The following CNTN5 variants were observed in gnomAD, a reference collection of about 807,000 sequenced individuals.
CNTN5 encodes the protein contactin-5.
In CNTN5, 77 loss-of-function variants were observed where a neutral mutation model predicts 129.1. The ratio of observed to expected loss-of-function variants is 0.60; its 90% confidence interval spans 0.50 to 0.72. CNTN5 has a LOEUF of 0.72. Among genes scored for constraint, CNTN5 ranks in the 30% least tolerant of loss-of-function variants. CNTN5 has a pLI of 0.00. For missense variants in CNTN5, 1,478 were observed against 1,328.8 expected, an observed-to-expected ratio of 1.11 and a Z score of -1.75; for synonymous variants, 509 against 465.6, an observed-to-expected ratio of 1.09 and a Z score of -1.20.
chr11:99,663,599 G>A (rs1952676517), intron 3 of CNTN5, among the ~76,000 whole-genome samples: 1 of 152,180 alleles, frequency 6.6e-6, no homozygotes, highest in African/African-American at 2.4e-5. Flanking sequence ...CACATGCCAA[G>A]GGAGAGAGGG....
At chr11:99,939,652 G>C (rs11221975) in intron 7 of CNTN5, among the ~76,000 whole-genome samples, 1 of 151,748 alleles carries the variant, frequency 6.6e-6, no homozygotes, top group Non-Finnish European at 1.5e-5. Context: ...ATATTTAATA[G>C]AAAAAAATAG....
intron 18 of CNTN5, among the ~76,000 whole-genome samples, chr11:100,283,770 ACAT>A (rs1045783039): frequency 2.0e-5 from 3 of 152,014 alleles, no homozygotes; most frequent in Non-Finnish European, 4.4e-5. Flanking sequence ...ACATGGTGAA[ACAT>A]CGTCTCTACT....
At chr11:99,389,427 G>C (rs1941118814) in intron 2 of CNTN5, among the ~76,000 whole-genome samples, 1 of 152,166 alleles carries the variant, frequency 6.6e-6, no homozygotes, top group South Asian at 2.1e-4. Context: ...TACCTGTATT[G>C]TGTATAATCA....
intron 4 of CNTN5, among the ~76,000 whole-genome samples, chr11:99,840,780 A>C (rs1332749829): frequency 6.6e-6 from 1 of 152,200 alleles, no homozygotes; most frequent in African/African-American, 2.4e-5. Context: ...ATAATTTGCT[A>C]TTATACAGCA....
At chr11:99,332,861 G>A (rs1474593329) in intron 2 of CNTN5, among the ~76,000 whole-genome samples, 2 of 151,974 alleles carry the variant, frequency 1.3e-5, no homozygotes, top group African/African-American at 4.8e-5. Context: ...TTTAAGAGGC[G>A]ATAGCCAGAG....
chr11:100,326,021 T>C (rs1249447312), intron 21 of CNTN5, among the ~76,000 whole-genome samples: 2 of 152,284 alleles, frequency 1.3e-5, no homozygotes, highest in South Asian at 4.1e-4. Context: ...ATAGTTCTTT[T>C]ATATTTAAAG....
At chr11:100,089,143 G>A (rs903326366) in intron 13 of CNTN5, among the ~76,000 whole-genome samples, 5 of 152,030 alleles carry the variant, frequency 3.3e-5, no homozygotes, top group African/African-American at 4.8e-5. Flanking sequence ...TTTGAGAAGT[G>A]TCTGTTCATG....
At chr11:99,045,631 T>G (rs1864174915) in intron 1 of CNTN5, among the ~76,000 whole-genome samples, 1 of 152,244 alleles carries the variant, frequency 6.6e-6, no homozygotes, top group Non-Finnish European at 1.5e-5. Context: ...CTATGCATTT[T>G]CATCATATAT....
At position 99,897,925 on chromosome 11, in the gene CNTN5, G is replaced by T. The variant is rs370010821; in HGVS notation, c.578-18129G>T. ...ATCTCACATGTAATGACATCCATAGGCTCAAAGTAAATGGTTGGAGAAATA... is the reference window on the plus strand; with the variant it reads ...ATCTCACATGTAATGACATCCATAGTCTCAAAGTAAATGGTTGGAGAAATA... On this transcript the variant is annotated intron_variant, in intron 6 of 24. Coordinates refer to ENST00000524871, the MANE Select transcript of CNTN5 (RefSeq NM_014361.4). Among the ~76,000 whole-genome samples, 47 of 152,200 alleles carry T rather than the reference G, an allele frequency of 3.1e-4. 1 individual carries two copies. The highest frequency in any genetic ancestry group is 1.1e-3 in the African/African-American group (44 of 41,542).
chr11:99,234,549 C>T (rs542241322), intron 1 of CNTN5, among the ~76,000 whole-genome samples: 3 of 151,664 alleles, frequency 2.0e-5, no homozygotes, highest in Non-Finnish European at 4.4e-5. Context: ...CATATCATAC[C>T]ATTGAAATAA....
At chr11:99,795,891 A>G (rs1294041324) in intron 3 of CNTN5, among the ~76,000 whole-genome samples, 1 of 151,972 alleles carries the variant, frequency 6.6e-6, no homozygotes, top group African/African-American at 2.4e-5. Context: ...CGATCACAAC[A>G]CTCTGTTGAA....
chr11:100,039,227 A>T (rs1942230226), intron 9 of CNTN5, among the ~76,000 whole-genome samples: 1 of 152,156 alleles, frequency 6.6e-6, no homozygotes, highest in South Asian at 2.1e-4. Flanking sequence ...TTTACTTATG[A>T]AGCTTAATTT....
At chr11:100,239,190 A>C (rs1949686530) in intron 16 of CNTN5, among the ~76,000 whole-genome samples, 1 of 152,216 alleles carries the variant, frequency 6.6e-6, no homozygotes, top group Admixed American at 6.5e-5. Flanking sequence ...ATTGTAATGG[A>C]TATCTTAGTT....
intron 3 of CNTN5, among the ~76,000 whole-genome samples, chr11:99,690,848 T>A (rs150364242): frequency 1.3e-3 from 192 of 152,306 alleles, no homozygotes; most frequent in Middle Eastern, 6.8e-3. Flanking sequence ...CAACTCTTTT[T>A]TGTACATCTG....
chr11:99,946,495 G>A (rs994750508), intron 7 of CNTN5, among the ~76,000 whole-genome samples: 1 of 152,034 alleles, frequency 6.6e-6, no homozygotes, highest in African/African-American at 2.4e-5. Flanking sequence ...CTGTATCTTG[G>A]AATTAGAAAA....
At chr11:100,336,882 A>C in intron 21 of CNTN5, 1 of 534,186 alleles carries the variant, frequency 1.9e-6, no homozygotes, top group Non-Finnish European at 3.4e-6. Flanking sequence ...TTTGAAAGCT[A>C]TAGCAGCAAC....
At chr11:99,769,921 C>A (rs547067839) in intron 3 of CNTN5, among the ~76,000 whole-genome samples, 126 of 152,016 alleles carry the variant, frequency 8.3e-4, no homozygotes, top group Middle Eastern at 6.8e-3. Flanking sequence ...TATTGCAATG[C>A]AGTGTGATAC....
At chr11:99,191,995 A>G (rs528853784) in intron 1 of CNTN5, among the ~76,000 whole-genome samples, 15 of 151,762 alleles carry the variant, frequency 9.9e-5, no homozygotes, top group Non-Finnish European at 1.9e-4. Flanking sequence ...TAAAAATAAT[A>G]CAAAAGATCA....
chr11:99,907,159 G>C (rs1446804441), intron 6 of CNTN5, among the ~76,000 whole-genome samples: 3 of 152,084 alleles, frequency 2.0e-5, no homozygotes, highest in African/African-American at 7.2e-5. Context: ...CTTGTCTTCT[G>C]CTAGCTTTTG....
Sources: allele counts gnomAD v4.1 joint callset (sites outside exome capture counted in the v4.1 genomes callset), GRCh38; gene constraint gnomAD v4.1.1; transcripts MANE v1.5; gene names NCBI Gene and HGNC (gene_info 2026-07-23, HGNC 2026-07-21).